Variants in CNRIP1 observed in about 807,000 individuals in gnomAD.
The protein encoded by CNRIP1 is CB1 cannabinoid receptor-interacting protein 1.
CNRIP1 carries 10 observed loss-of-function variants against 15.2 expected under a neutral mutation model. The ratio of observed to expected loss-of-function variants is 0.66; its 90% confidence interval spans 0.41 to 1.12. The LOEUF (loss-of-function observed/expected upper bound fraction) is 1.12, where lower values mean the gene tolerates loss of function less well. Among genes scored for constraint, CNRIP1 ranks in the 50% most tolerant of loss-of-function variants. The pLI, the probability that CNRIP1 is intolerant of heterozygous loss-of-function variation, is 0.00. For synonymous variants in CNRIP1, 91 were observed against 83.2 expected (o/e 1.09, Z -0.51); for missense variants, 211 against 214.7 (o/e 0.98, Z 0.11).
intron 2 of CNRIP1, among the ~76,000 whole-genome samples, chr2:68,297,029 A>G (rs1487730043): frequency 6.6e-6 from 1 of 152,134 alleles, no homozygotes; most frequent in Admixed American, 6.5e-5. Context: ...GGCCTCTCAA[A>G]GCGCTGGGAT....
chr2:68,317,641 A>G (rs974502668), intron 1 of CNRIP1, among the ~76,000 whole-genome samples: 1 of 152,188 alleles, frequency 6.6e-6, no homozygotes, highest in African/African-American at 2.4e-5. Flanking sequence ...TCCTGTTCCA[A>G]CAATCAGGGG....
intron 2 of CNRIP1, among the ~76,000 whole-genome samples, chr2:68,309,061 G>C (rs1671976912): frequency 6.6e-6 from 1 of 152,158 alleles, no homozygotes; most frequent in African/African-American, 2.4e-5. Flanking sequence ...CACTCCACAT[G>C]AAACATTTAG....
At chr2:68,311,779 GA>G (rs59421926) in intron 2 of CNRIP1, among the ~76,000 whole-genome samples, 12,331 of 89,842 alleles carry the variant, frequency 0.14, 943 homozygotes, top group African/African-American at 0.3. Context: ...CATCTCCGGG[GA>G]AAAAAAAAAA....
At chr2:68,288,907 A>G (rs1398231681), downstream of CNRIP1, among the ~76,000 whole-genome samples, 2 of 152,254 alleles carry the variant, frequency 1.3e-5, no homozygotes, top group African/African-American at 2.4e-5. Context: ...AGCTTTACGT[A>G]TGATATATCA....
chr2:68,313,501 GAACC>G (rs930512259), intron 2 of CNRIP1, among the ~76,000 whole-genome samples: 5 of 152,116 alleles, frequency 3.3e-5, no homozygotes, highest in Non-Finnish European at 4.4e-5. Context: ...GAAATAAAAT[GAACC>G]AACTACTGAT....
At chr2:68,297,673 A>T (rs1671430716) in intron 2 of CNRIP1, among the ~76,000 whole-genome samples, 1 of 152,002 alleles carries the variant, frequency 6.6e-6, no homozygotes, top group Non-Finnish European at 1.5e-5. Flanking sequence ...TTTTAAAGAG[A>T]TACTATTCCT....
chr2:68,291,040 C>T (rs537380189), downstream of CNRIP1, among the ~76,000 whole-genome samples: 38 of 152,156 alleles, frequency 2.5e-4, no homozygotes, highest in Middle Eastern at 3.4e-3. Context: ...CTCAGCAGCT[C>T]GATATAGCTG....
downstream of CNRIP1, among the ~76,000 whole-genome samples, chr2:68,291,927 A>T (rs112542860): frequency 0.016 from 2,471 of 151,620 alleles, 42 homozygotes; most frequent in Admixed American, 0.067. Flanking sequence ...AGTCATGATA[A>T]TGTCTCCACC....
intron 2 of CNRIP1, among the ~76,000 whole-genome samples, chr2:68,302,845 CTTTTTTTTTT>C (rs1214086385): frequency 7.9e-6 from 1 of 126,278 alleles, no homozygotes; most frequent in Non-Finnish European, 1.6e-5. Flanking sequence ...ATTTGAAAAA[CTTTTTTTTTT>C]TTTTTTTTTT....
chr2:68,309,683 C>A lies in CNRIP1; in HGVS notation c.330+7474G>T, dbSNP rs529460441. Reference sequence around the variant, plus strand: ...AAGACTGGCAGGAGAAAATGACAGCCCTATCTGTTGGAAGTGGCAGAAGAC... The same window carrying A: ...AAGACTGGCAGGAGAAAATGACAGCACTATCTGTTGGAAGTGGCAGAAGAC... On this transcript the variant is annotated intron_variant, in intron 2 of 2. Transcript: ENST00000263655. Among the ~76,000 whole-genome samples, 4 of 151,926 alleles carry A rather than the reference C, an allele frequency of 2.6e-5. No homozygotes were observed. The South Asian group carries it at 8.3e-4, about 32-fold the overall frequency.
Position 68,317,140 on chromosome 2 carries a change from C to A in CNRIP1, c.330+17G>T. On this transcript the variant is annotated intron_variant, in intron 2 of 2. Transcript: ENST00000263655. ...TTTCCATGGCACCATACTCCTATACCCGCAAGCAAGCCTTACCGGCATGGT... is the reference window on the plus strand; with the variant it reads ...TTTCCATGGCACCATACTCCTATACACGCAAGCAAGCCTTACCGGCATGGT... 2 of 1,614,168 alleles carry A rather than the reference C, an allele frequency of 1.2e-6. No homozygotes were observed. The highest frequency in any genetic ancestry group is 1.7e-6 in the Non-Finnish European group (2 of 1,180,012).
chr2:68,307,914 C>T (rs1230126777), intron 2 of CNRIP1, among the ~76,000 whole-genome samples: 3 of 151,948 alleles, frequency 2.0e-5, no homozygotes, highest in Non-Finnish European at 2.9e-5. Flanking sequence ...ATCATTGGGC[C>T]AGGTGTGGTG....
At chr2:68,312,452 A>G (rs936911051) in intron 2 of CNRIP1, among the ~76,000 whole-genome samples, 1 of 152,220 alleles carries the variant, frequency 6.6e-6, no homozygotes, top group African/African-American at 2.4e-5. Flanking sequence ...CAGGAATAGA[A>G]GAGAACTCCT....
Position 68,301,298 on chromosome 2 carries a change from T to C in CNRIP1, c.331-7272A>G, listed in dbSNP as rs148879515. On this transcript the variant is annotated intron_variant, in intron 2 of 2. Transcript: ENST00000263655. ...GAATAAAGGAGAAAAACCATATAAT[T>C]ATATCCATAGTTGGAGAAAGAGCAC... is the stretch of plus-strand genomic sequence containing the variant. Among the ~76,000 whole-genome samples the C allele has an allele frequency of 3.0e-4, 46 of 152,286 alleles. No homozygotes were observed. The East Asian group carries it at 8.9e-3, about 29-fold the overall frequency.
intron 2 of CNRIP1, among the ~76,000 whole-genome samples, chr2:68,299,198 T>G (rs1474744981): frequency 1.3e-5 from 2 of 152,186 alleles, no homozygotes; most frequent in Non-Finnish European, 2.9e-5. Context: ...TATTTATCAC[T>G]GTACAAAACT....
In CNRIP1 at chr2:68,315,097, T is replaced by C. The variant is rs867884202; in HGVS notation, c.330+2060A>G. ...TGTAAACAAAATAAAAATTAAAATA[T>C]TAAATGAACACTCAAGATGTGATAA... On this transcript the variant is annotated intron_variant, in intron 2 of 2. Transcript: ENST00000263655. Among the ~76,000 whole-genome samples the C allele has an allele frequency of 1.0e-3, 157 of 152,158 alleles. 2 individuals carry two copies. Among genetic ancestry groups the C allele is most frequent in the African/African-American group, 3.4e-3 (140 of 41,544 alleles).
chr2:68,284,262 A>G (rs57776453), exon 3 of CNRIP1: 5,256 of 465,820 alleles, frequency 0.011, 235 homozygotes, highest in African/African-American at 0.096. Context: ...AGTTTGCTCA[A>G]TTTAAGAGGT....
downstream of CNRIP1, among the ~76,000 whole-genome samples, chr2:68,290,365 T>A (rs1350023671): frequency 1.3e-5 from 2 of 152,114 alleles, no homozygotes; most frequent in Non-Finnish European, 2.9e-5. Context: ...CATGATACAT[T>A]ACTGATGATA....
intron 2 of CNRIP1, among the ~76,000 whole-genome samples, chr2:68,298,308 C>T (rs1440805608): frequency 6.6e-6 from 1 of 151,968 alleles, no homozygotes; most frequent in Admixed American, 6.6e-5. Flanking sequence ...AAAATATACA[C>T]TGAAATATAA....
Sources: allele counts gnomAD v4.1 joint callset (sites outside exome capture counted in the v4.1 genomes callset), GRCh38; gene constraint gnomAD v4.1.1; transcripts MANE v1.5; gene names NCBI Gene and HGNC (gene_info 2026-07-23, HGNC 2026-07-21).